TRAPPC13: variants seen among roughly 807,000 people sequenced by gnomAD.
TRAPPC13 encodes the protein trafficking protein particle complex subunit 13.
TRAPPC13 carries 39 observed loss-of-function variants against 54.0 expected under a neutral mutation model. The observed-to-expected ratio is 0.72, with a 90% CI of 0.56 to 0.94. The LOEUF is 0.94. Among genes scored for constraint, TRAPPC13 ranks in the 40% least tolerant of loss-of-function variants. TRAPPC13 has a pLI of 0.00. For synonymous variants in TRAPPC13, 148 were observed against 167.7 expected (o/e 0.88, Z 0.91); for missense variants, 386 against 488.1 (o/e 0.79, Z 1.97).
chr5:65,631,998 A>C (rs918751280), intron 1 of TRAPPC13, among the ~76,000 whole-genome samples: 2 of 152,182 alleles, frequency 1.3e-5, no homozygotes, highest in African/African-American at 4.8e-5. Context: ...AAATGAAAAA[A>C]ATAATAGGGA....
intron 1 of TRAPPC13, among the ~76,000 whole-genome samples, chr5:65,632,310 CTTTCAGGGCACCTTTTTATCTGT>C (rs1254929228): frequency 1.3e-5 from 2 of 152,142 alleles, no homozygotes; most frequent in South Asian, 2.1e-4. Flanking sequence ...CTGTGTATCA[CTTTCAGGGCACCTTTTTATCTGT>C]TTTCAGGGCA....
intron 4 of TRAPPC13, among the ~76,000 whole-genome samples, chr5:65,642,270 C>G (rs1438691753): frequency 1.3e-5 from 2 of 152,050 alleles, no homozygotes; most frequent in Non-Finnish European, 2.9e-5. Flanking sequence ...TTGCGGTGAG[C>G]CGAGATTGTG....
intron 4 of TRAPPC13, among the ~76,000 whole-genome samples, chr5:65,639,480 C>CTGGTCTT (rs1755885870): frequency 6.6e-6 from 1 of 151,936 alleles, no homozygotes; most frequent in Non-Finnish European, 1.5e-5. Flanking sequence ...GGAAACATAA[C>CTGGTCTT]GAGACTCCCA....
intron 1 of TRAPPC13, among the ~76,000 whole-genome samples, chr5:65,634,023 TC>T (rs1483972881): frequency 7.9e-6 from 1 of 126,154 alleles, no homozygotes; most frequent in Non-Finnish European, 1.6e-5. Flanking sequence ...TCTTGCTCTG[TC>T]GCCCAGGCTG....
intron 1 of TRAPPC13, among the ~76,000 whole-genome samples, chr5:65,633,950 G>T (rs1755643152): frequency 3.3e-5 from 4 of 120,206 alleles, no homozygotes; most frequent in Non-Finnish European, 7.2e-5. Flanking sequence ...TTGTCAAGAG[G>T]TTGTTTTTTA....
At chr5:65,625,158 C>G (rs1208543068) in intron 1 of TRAPPC13, 52 bp downstream of exon 1, 25 of 1,469,698 alleles carry the variant, frequency 1.7e-5, no homozygotes, top group Non-Finnish European at 2.3e-5. Flanking sequence ...GCATTCCCTA[C>G]TTATCGAAGC....
At chr5:65,636,737 C>G (rs1035960396) in intron 3 of TRAPPC13, among the ~76,000 whole-genome samples, 1 of 152,094 alleles carries the variant, frequency 6.6e-6, no homozygotes, top group Non-Finnish European at 1.5e-5. Context: ...AAATTTATTT[C>G]TTCTGTTATC....
At chr5:65,640,017 T>G (rs76288573) in intron 4 of TRAPPC13, among the ~76,000 whole-genome samples, 4,993 of 152,220 alleles carry the variant, frequency 0.033, 273 homozygotes, top group African/African-American at 0.11. Context: ...AGAGAGCAAA[T>G]AGACCCAACT....
chr5:65,635,899 T>C (rs1314122142), intron 2 of TRAPPC13, 45 bp from the exon 3 acceptor site: 3 of 1,216,282 alleles, frequency 2.5e-6, no homozygotes, highest in African/African-American at 1.6e-5. Flanking sequence ...GTAAAAGTTA[T>C]TTAAAGGGTA....
chr5:65,650,310 C>T (rs1756380523), intron 5 of TRAPPC13, among the ~76,000 whole-genome samples: 1 of 151,470 alleles, frequency 6.6e-6, no homozygotes, highest in Non-Finnish European at 1.5e-5. Context: ...TACAGGCGCC[C>T]ACCACCACAC....
At chr5:65,655,155 C>T (rs1756605544) in intron 7 of TRAPPC13, among the ~76,000 whole-genome samples, 1 of 152,194 alleles carries the variant, frequency 6.6e-6, no homozygotes, top group Non-Finnish European at 1.5e-5. Context: ...GCCCCACATT[C>T]CCTGAAGTGA....
At chr5:65,649,895 C>T (rs1756361373) in intron 5 of TRAPPC13, among the ~76,000 whole-genome samples, 1 of 144,610 alleles carries the variant, frequency 6.9e-6, no homozygotes, top group African/African-American at 2.6e-5. Context: ...CTTACTCTGT[C>T]GCCCAGACTG....
chr5:65,655,576 C>T (rs1756622504), intron 7 of TRAPPC13, 60 bp from the exon 8 acceptor site: 5 of 580,264 alleles, frequency 8.6e-6, no homozygotes, highest in Non-Finnish European at 1.3e-5. Context: ...TAAAGTAATT[C>T]TTTTTTCTTT....
chr5:65,664,117 T>G, intron 11 of TRAPPC13, 120 bp from the exon 12 acceptor site: 2 of 1,040,076 alleles, frequency 1.9e-6, no homozygotes, highest in Non-Finnish European at 2.8e-6. Context: ...GCTTTTCTCT[T>G]TCTGGTTTTT....
intron 11 of TRAPPC13, chr5:65,663,917 C>T (rs961151327): frequency 8.8e-5 from 21 of 238,908 alleles, no homozygotes; most frequent in Non-Finnish European, 4.0e-5. Flanking sequence ...AGATTAGACA[C>T]AAATGTGTGG....
At chr5:65,630,005 A>G in intron 1 of TRAPPC13, 1 of 1,535,970 alleles carries the variant, frequency 6.5e-7, no homozygotes, top group Non-Finnish European at 8.7e-7. Context: ...TCCCAGCAAT[A>G]ATTGTACTAA....
rs370642615 is a variant in TRAPPC13, at chr5:65,636,061, A to G, written c.215+18A>G. On this transcript the variant is annotated intron_variant, in intron 3 of 12. Coordinates refer to ENST00000399438, the MANE Select transcript of TRAPPC13 (RefSeq NM_024941.4). ...AATTTTGGGTAAGAATGACATATTC[A>G]CATAAGAAACCTTGTAAAGCCATTA... 1.4e-6 allele frequency: 2 copies of G among 1,480,354 alleles called. No individual in the cohort carries two copies. The highest frequency in any genetic ancestry group is 2.8e-5 in the African/African-American group (2 of 72,264). The allele number at this position is 1,480,354 out of a possible 1,614,324, so 91.7% of individuals were successfully genotyped here.
Position 65,655,266 on chromosome 5 carries a change from G to A in TRAPPC13, c.547-370G>A, listed in dbSNP as rs370418836. On this transcript the variant is annotated intron_variant, in intron 7 of 12. Transcript: ENST00000399438. Reference sequence around the variant, plus strand: ...ACGGTGTATATCTATTCTGAATGTGGAGGATAGTATATATTCATCCTAAAT... The same window carrying A: ...ACGGTGTATATCTATTCTGAATGTGAAGGATAGTATATATTCATCCTAAAT... Among the ~76,000 whole-genome samples, 10 of 152,270 alleles carry A rather than the reference G, an allele frequency of 6.6e-5. No individual in the cohort carries two copies. In the South Asian group the frequency reaches 1.2e-3, roughly 19 times the overall value.
intron 3 of TRAPPC13, among the ~76,000 whole-genome samples, chr5:65,637,367 C>T (rs952801329): frequency 1.3e-5 from 2 of 152,176 alleles, no homozygotes; most frequent in African/African-American, 2.4e-5. Flanking sequence ...CACAGTGGCT[C>T]ACGCCTGTAA....
Sources: allele counts gnomAD v4.1 joint callset (sites outside exome capture counted in the v4.1 genomes callset), GRCh38; gene constraint gnomAD v4.1.1; transcripts MANE v1.5; gene names NCBI Gene and HGNC (gene_info 2026-07-23, HGNC 2026-07-21).